Variants in ATP6V0E1 observed in about 807,000 individuals in gnomAD.
The protein encoded by ATP6V0E1 is V-type proton ATPase subunit e 1.
ATP6V0E1 carries 4 observed loss-of-function variants against 11.6 expected under a neutral mutation model. That is an observed-to-expected ratio of 0.35 (90% CI 0.17 to 0.79). The LOEUF (loss-of-function observed/expected upper bound fraction) is 0.79. ATP6V0E1 is among the 30% of genes least tolerant of loss of function. The pLI is 0.54. For missense variants in ATP6V0E1, 105 were observed against 100.0 expected (o/e 1.05, Z -0.21); for synonymous variants, 36 against 34.8 (o/e 1.04, Z -0.13).
At chr5:173,000,600 G>T (rs1364626756) in intron 2 of ATP6V0E1, among the ~76,000 whole-genome samples, 2 of 152,084 alleles carry the variant, frequency 1.3e-5, no homozygotes, top group African/African-American at 4.8e-5. Flanking sequence ...AGGATACTTG[G>T]CACGATTATG....
chr5:173,025,901 A>G (rs1340521482), intron 3 of ATP6V0E1, among the ~76,000 whole-genome samples: 3 of 152,156 alleles, frequency 2.0e-5, no homozygotes, highest in African/African-American at 2.4e-5. Flanking sequence ...GTATGTGCCT[A>G]TAATCCCAGC....
chr5:172,996,952 CTT>C (rs56185500), intron 2 of ATP6V0E1, among the ~76,000 whole-genome samples: 1 of 145,372 alleles, frequency 6.9e-6, no homozygotes, highest in Admixed American at 6.9e-5. Context: ...GGAATTTTTT[CTT>C]TTTTTTTTTT....
At chr5:173,025,096 C>T (rs1427797130) in intron 3 of ATP6V0E1, among the ~76,000 whole-genome samples, 1 of 149,894 alleles carries the variant, frequency 6.7e-6, no homozygotes, top group Admixed American at 6.7e-5. Context: ...CCACCTCAGC[C>T]TCCCAAAGTG....
At chr5:173,013,863 C>T (rs984021679) in intron 2 of ATP6V0E1, among the ~76,000 whole-genome samples, 3 of 151,772 alleles carry the variant, frequency 2.0e-5, no homozygotes, top group African/African-American at 4.8e-5. Context: ...TACTAAAAAG[C>T]GAAAATATGG....
intron 2 of ATP6V0E1, among the ~76,000 whole-genome samples, chr5:172,996,429 G>T (rs2113584965): frequency 6.6e-6 from 1 of 152,190 alleles, no homozygotes; most frequent in Admixed American, 6.6e-5. Flanking sequence ...GGGCTTGGTG[G>T]CGCACACCTG....
At chr5:172,997,247 T>G (rs1414838539) in intron 2 of ATP6V0E1, among the ~76,000 whole-genome samples, 1 of 152,216 alleles carries the variant, frequency 6.6e-6, no homozygotes, top group Non-Finnish European at 1.5e-5. Flanking sequence ...AAGAAACAAT[T>G]TGGGTTTTTC....
At chr5:172,985,382 G>T (rs1755881829) in intron 1 of ATP6V0E1, among the ~76,000 whole-genome samples, 1 of 151,950 alleles carries the variant, frequency 6.6e-6, no homozygotes, top group Non-Finnish European at 1.5e-5. Flanking sequence ...CATGGTAGAT[G>T]AATTTTTATC....
chr5:173,034,000 C>T (rs1210470712), intron 3 of ATP6V0E1, among the ~76,000 whole-genome samples: 2 of 152,210 alleles, frequency 1.3e-5, no homozygotes, highest in South Asian at 2.1e-4. Flanking sequence ...GCAAGGAGCC[C>T]GCTCCCCAGG....
intron 2 of ATP6V0E1, among the ~76,000 whole-genome samples, chr5:173,015,011 G>A (rs1756382044): frequency 2.0e-5 from 3 of 152,188 alleles, no homozygotes; most frequent in Non-Finnish European, 4.4e-5. Flanking sequence ...CTTTAGTGAA[G>A]GCACCAAAGG....
At chr5:172,986,777 T>TTTTG (rs142836180) in intron 1 of ATP6V0E1, 51 of 427,700 alleles carry the variant, frequency 1.2e-4, no homozygotes, top group African/African-American at 2.1e-4. Context: ...TTTTTGTTGT[T>TTTTG]TTTGTTTGTT....
At chr5:173,013,500 G>A (rs1384177841) in intron 2 of ATP6V0E1, among the ~76,000 whole-genome samples, 4 of 150,700 alleles carry the variant, frequency 2.7e-5, no homozygotes, top group South Asian at 2.1e-4. Context: ...GCGTGAACCC[G>A]GCAGGCGGAG....
Position 172,984,020 on chromosome 5 carries a change from G to T in ATP6V0E1, c.104+56G>T, listed in dbSNP as rs150765706. The T allele has an allele frequency of 1.5e-4, 237 of 1,561,594 alleles. 2 individuals carry two copies. In the African/African-American group the frequency reaches 2.6e-3, roughly 17 times the overall value. On this transcript the variant is annotated intron_variant, in intron 1 of 3. Coordinates refer to ENST00000519374, the MANE Select transcript of ATP6V0E1 (RefSeq NM_003945.4). Reference sequence around the variant, plus strand: ...CGGGCGGTGAGGAGCTAGCAGGCCGGGGCGGGGAAAGGCACGACCCCCACA... The same window carrying T: ...CGGGCGGTGAGGAGCTAGCAGGCCGTGGCGGGGAAAGGCACGACCCCCACA...
At chr5:172,989,941 T>TGTGAG (rs1200361928) in intron 1 of ATP6V0E1, among the ~76,000 whole-genome samples, 10 of 152,028 alleles carry the variant, frequency 6.6e-5, no homozygotes, top group African/African-American at 2.4e-4. Context: ...GCTCACACAA[T>TGTGAG]CCTTCTGCTT....
chr5:173,026,297 G>A (rs1581636733), intron 3 of ATP6V0E1, among the ~76,000 whole-genome samples: 1 of 152,252 alleles, frequency 6.6e-6, no homozygotes, highest in Non-Finnish European at 1.5e-5. Flanking sequence ...TGTCCGGCCT[G>A]TAATTATTGT....
chr5:173,026,428 T>G (rs910128659), intron 3 of ATP6V0E1, among the ~76,000 whole-genome samples: 3 of 152,198 alleles, frequency 2.0e-5, no homozygotes, highest in Non-Finnish European at 4.4e-5. Flanking sequence ...ATATAAAACA[T>G]CTCCAAAGTC....
In ATP6V0E1 at chr5:173,032,253, A is replaced by ATTTTT. The variant is rs70984930; in HGVS notation, c.*37-2143_*37-2142insTTTTT. Among the ~76,000 whole-genome samples the ATTTTT allele has an allele frequency of 9.9e-3, 1,237 of 124,368 alleles. 13 individuals are homozygous for ATTTTT. The highest frequency in any genetic ancestry group is 0.015 in the Non-Finnish European group (889 of 58,828). 81.6% of individuals were successfully genotyped at this position (124,368 alleles called of 152,430 possible). ...TGCACATTTACTTTTATTTTATTTTATTTATTTATTTATTTATTTATTTAT... is the reference window on the plus strand; with the variant it reads ...TGCACATTTACTTTTATTTTATTTTATTTTTTTTATTTATTTATTTATTTATTTAT... On this transcript the variant is annotated intron_variant, in intron 3 of 3. Coordinates refer to ENST00000519374, the MANE Select transcript of ATP6V0E1 (RefSeq NM_003945.4).
chr5:173,020,618 G>A, intron 3 of ATP6V0E1: 1 of 542,472 alleles, frequency 1.8e-6, no homozygotes, highest in Non-Finnish European at 3.5e-6. Flanking sequence ...AATTAAGCTT[G>A]CATGCACTCT....
intron 1 of ATP6V0E1, chr5:172,986,609 C>T (rs777501555): frequency 2.3e-5 from 9 of 389,622 alleles, no homozygotes; most frequent in Non-Finnish European, 4.0e-5. Context: ...GCCTGGGCAA[C>T]AGTGAGACCC....
At chr5:173,010,635 G>A (rs1219120933) in intron 2 of ATP6V0E1, among the ~76,000 whole-genome samples, 2 of 152,198 alleles carry the variant, frequency 1.3e-5, no homozygotes, top group African/African-American at 4.8e-5. Flanking sequence ...GAGATGAGAG[G>A]TCGTTTTAGT....
Sources: gnomAD v4.1 joint callset for allele counts (sites outside exome capture counted in the v4.1 genomes callset) on GRCh38, gnomAD v4.1.1 for gene constraint, MANE v1.5 for transcripts, NCBI Gene and HGNC (gene_info 2026-07-23, HGNC 2026-07-21) for gene names.